MAST4: variants seen among roughly 807,000 people sequenced by gnomAD.
MAST4 encodes microtubule associated serine/threonine kinase family member 4.
In MAST4, 89 loss-of-function variants were observed where a neutral mutation model predicts 162.7. The observed-to-expected ratio is 0.55, with a 90% CI of 0.46 to 0.65. MAST4 has a LOEUF of 0.65. MAST4 is among the 30% of genes least tolerant of loss of function. MAST4 has a pLI of 0.00. For missense variants in MAST4, 3,153 were observed against 3,374.0 expected (o/e 0.93, Z 1.62); for synonymous variants, 1,479 against 1,361.1 (o/e 1.09, Z -1.91).
chr5:66,635,946 GTTTTTTTT>G (rs530576186), intron 1 of MAST4, among the ~76,000 whole-genome samples: 11 of 41,302 alleles, frequency 2.7e-4, no homozygotes, highest in East Asian at 8.9e-4. Context: ...GATAGAGACT[GTTTTTTTT>G]TTTTTTTTTT....
chr5:67,061,820 CAAAAA>C (rs113115367), intron 5 of MAST4, among the ~76,000 whole-genome samples: 3 of 94,344 alleles, frequency 3.2e-5, no homozygotes, highest in Admixed American at 1.1e-4. Context: ...AGTTCTTGGG[CAAAAA>C]AAAAAAAAAA....
chr5:66,704,039 G>A (rs1434197652), intron 1 of MAST4, among the ~76,000 whole-genome samples: 1 of 152,114 alleles, frequency 6.6e-6, no homozygotes, highest in Admixed American at 6.5e-5. Context: ...AAATAGACTA[G>A]GTTTCATTAA....
At chr5:67,114,332 T>G in intron 12 of MAST4, 113 bp downstream of exon 12, 1 of 1,301,508 alleles carries the variant, frequency 7.7e-7, no homozygotes, top group Non-Finnish European at 1.0e-6. Context: ...TATCTATTGA[T>G]AAGTCCATAT....
intron 1 of MAST4, among the ~76,000 whole-genome samples, chr5:66,675,056 T>C (rs190111647): frequency 6.6e-6 from 1 of 152,306 alleles, no homozygotes; most frequent in Non-Finnish European, 1.5e-5. Context: ...TGCTGCTTGC[T>C]GGACCCTTGA....
intron 3 of MAST4, among the ~76,000 whole-genome samples, chr5:66,865,427 G>A (rs1178018301): frequency 6.6e-6 from 1 of 151,916 alleles, no homozygotes; most frequent in Non-Finnish European, 1.5e-5. Context: ...TTTTAATTTA[G>A]CATTTAATAT....
intron 3 of MAST4, chr5:66,789,712 T>G (rs895407201): frequency 1.9e-6 from 1 of 518,688 alleles, no homozygotes; most frequent in African/African-American, 1.9e-5. Context: ...GTCAAAGTGT[T>G]GCCTGATTTC....
intron 1 of MAST4, among the ~76,000 whole-genome samples, chr5:66,654,779 G>A (rs1746444567): frequency 6.6e-6 from 1 of 152,140 alleles, no homozygotes; most frequent in Non-Finnish European, 1.5e-5. Flanking sequence ...TCAAAGATGA[G>A]AGAATCACAC....
chr5:67,092,581 T>C (rs1304236103), intron 6 of MAST4, among the ~76,000 whole-genome samples: 2 of 152,086 alleles, frequency 1.3e-5, no homozygotes, highest in Non-Finnish European at 2.9e-5. Context: ...AAAATGGAGG[T>C]TAAAAATACT....
At position 67,164,383 on chromosome 5, in the gene MAST4, C is replaced by T; in HGVS notation, c.5204C>T (p.Ala1735Val). ...PTGGQQEPPPASESRAFVSST... is the reference protein window; with the variant it reads ...PTGGQQEPPPVSESRAFVSST... ...GGTGGGCAGCAGGAGCCCCCGCCGG[C>T]TTCTGAGAGCCGAGCTTTTGTCAGC... The change falls in exon 29 of 29, where the codon GCT becomes GTT. Residue 1735 changes from alanine to valine, a missense_variant. Ala to Val is a moderately conservative substitution (Grantham distance 64). Coordinates refer to ENST00000403625, the MANE Select transcript of MAST4 (RefSeq NM_001164664.2). The surrounding 1 kb of genome is among the most constrained non-coding windows in gnomAD (Gnocchi z 5.3). 4 of 1,614,046 alleles carry T rather than the reference C, an allele frequency of 2.5e-6. No individual in the cohort carries two copies. The highest frequency in any genetic ancestry group is 2.5e-6 in the Non-Finnish European group (3 of 1,179,898).
chr5:66,712,069 C>G (rs771361874), intron 1 of MAST4, among the ~76,000 whole-genome samples: 1 of 152,104 alleles, frequency 6.6e-6, no homozygotes, highest in South Asian at 2.1e-4. Context: ...TGTTGATGGA[C>G]TTTTTGTGTT....
chr5:66,853,076 T>C (rs1021927042), intron 3 of MAST4, among the ~76,000 whole-genome samples: 1 of 152,240 alleles, frequency 6.6e-6, no homozygotes, highest in Non-Finnish European at 1.5e-5. Context: ...CTGGTTTCTA[T>C]TCCTTAGTTC....
rs778967311 is a variant in MAST4, at chr5:67,165,341, G to A, written c.6162G>A (p.Pro2054=). The A allele has an allele frequency of 8.7e-6, 14 of 1,613,500 alleles. No individual in the cohort carries two copies. The highest frequency in any genetic ancestry group is 6.7e-5 in the African/African-American group (5 of 74,894). Residue 2054 remains proline (P), a synonymous_variant, in exon 29 of 29, where the codon CCG becomes CCA. Transcript: ENST00000403625. ...ATGGCCCAGGTGAGGCGAGGCCCCCGCCCAGAGACAACTCCTCTCTGCACT... is the reference window on the plus strand; with the variant it reads ...ATGGCCCAGGTGAGGCGAGGCCCCCACCCAGAGACAACTCCTCTCTGCACT... The part of the protein sequence containing the change: ...HKDGPGEARP[P]PRDNSSLHSA...
chr5:66,898,490 T>G (rs569074454), intron 3 of MAST4, among the ~76,000 whole-genome samples: 3 of 129,482 alleles, frequency 2.3e-5, no homozygotes, highest in African/African-American at 7.7e-5. Context: ...GAGACTTTTC[T>G]CTTGTCATTA....
intron 11 of MAST4, among the ~76,000 whole-genome samples, chr5:67,112,245 G>GCTGC (rs1187223821): frequency 3.9e-5 from 6 of 152,094 alleles, no homozygotes; most frequent in Non-Finnish European, 7.4e-5. Context: ...ATCCCTTTGG[G>GCTGC]CATAGAGGAA....
chr5:66,855,666 A>C (rs1247248309), intron 3 of MAST4, among the ~76,000 whole-genome samples: 1 of 152,170 alleles, frequency 6.6e-6, no homozygotes, highest in Non-Finnish European at 1.5e-5. Context: ...CTCCTGAGAC[A>C]CACTGAAAGA....
At chr5:67,095,860 A>C (rs1764404125) in intron 7 of MAST4, among the ~76,000 whole-genome samples, 185 bp downstream of exon 7, 1 of 152,208 alleles carries the variant, frequency 6.6e-6, no homozygotes, top group Non-Finnish European at 1.5e-5. Context: ...CTTTCGCTGC[A>C]AGCTTTTAAA....
At chr5:66,763,636 C>G (rs1480193807) in intron 2 of MAST4, among the ~76,000 whole-genome samples, 2 of 152,024 alleles carry the variant, frequency 1.3e-5, no homozygotes, top group African/African-American at 4.8e-5. Flanking sequence ...GAAAGAGACT[C>G]ACAATATATT....
At chr5:66,975,583 T>G in intron 4 of MAST4, among the ~76,000 whole-genome samples, 1 of 152,120 alleles carries the variant, frequency 6.6e-6, no homozygotes, top group Non-Finnish European at 1.5e-5. Flanking sequence ...CAGGAGAGAT[T>G]AAGGACAAGT....
chr5:66,843,110 G>C (rs1758543347), intron 3 of MAST4, among the ~76,000 whole-genome samples: 1 of 151,990 alleles, frequency 6.6e-6, no homozygotes, highest in Non-Finnish European at 1.5e-5. Context: ...ATGTAAAATG[G>C]GGAACGATTC....
Sources: gnomAD v4.1 joint callset for allele counts (sites outside exome capture counted in the v4.1 genomes callset) on GRCh38, gnomAD v4.1.1 for gene constraint, Gnocchi (gnomAD v3.1) non-coding constraint, MANE v1.5 for transcripts, NCBI Gene and HGNC (gene_info 2026-07-23, HGNC 2026-07-21) for gene names.